Variants in NMNAT2 observed in about 807,000 individuals in gnomAD.
NMNAT2 encodes nicotinamide nucleotide adenylyltransferase 2.
In NMNAT2, 11 loss-of-function variants were observed where a neutral mutation model predicts 41.6. The ratio of observed to expected loss-of-function variants is 0.26; its 90% CI spans 0.17 to 0.44. NMNAT2 has a LOEUF of 0.44. Ranked by LOEUF, NMNAT2 falls within the 20% of genes least tolerant of loss-of-function variation. NMNAT2 has a pLI of 1.00. For missense variants in NMNAT2, 288 were observed against 407.7 expected (o/e 0.71, Z 2.53); for synonymous variants, 148 against 151.2 (o/e 0.98, Z 0.16).
chr1:183,336,326 T>G (rs1033481103), intron 1 of NMNAT2, among the ~76,000 whole-genome samples: 16 of 152,200 alleles, frequency 1.1e-4, no homozygotes, highest in African/African-American at 3.9e-4. Flanking sequence ...GACAAAGTAC[T>G]CAGTGTCATT....
chr1:183,397,232 A>G (rs560023621), intron 1 of NMNAT2, among the ~76,000 whole-genome samples: 1 of 152,318 alleles, frequency 6.6e-6, no homozygotes, highest in East Asian at 1.9e-4. Flanking sequence ...GACACCAGCC[A>G]GGGTCGAGGT....
chr1:183,286,311 C>A (rs188652023), intron 5 of NMNAT2, among the ~76,000 whole-genome samples: 250 of 152,242 alleles, frequency 1.6e-3, no homozygotes, highest in Non-Finnish European at 3.1e-3. Flanking sequence ...AGGCTACTCT[C>A]AAACTCCTGG....
At chr1:183,332,625 G>C (rs1197569366) in intron 1 of NMNAT2, among the ~76,000 whole-genome samples, 1 of 152,116 alleles carries the variant, frequency 6.6e-6, no homozygotes, top group Non-Finnish European at 1.5e-5. Flanking sequence ...CCTGCACATG[G>C]GGGCAGTGGA....
chr1:183,257,017 G>A (rs1201869752), intron 10 of NMNAT2, among the ~76,000 whole-genome samples: 1 of 152,064 alleles, frequency 6.6e-6, no homozygotes, highest in Non-Finnish European at 1.5e-5. Flanking sequence ...CTCCCAAAGT[G>A]CTAGGATTAC....
chr1:183,343,347 A>G (rs549883106), intron 1 of NMNAT2, among the ~76,000 whole-genome samples: 1 of 152,110 alleles, frequency 6.6e-6, no homozygotes, highest in African/African-American at 2.4e-5. Flanking sequence ...AACAACCACA[A>G]TGTTCTCCTC....
At chr1:183,256,046 T>G (rs1359839534) in intron 10 of NMNAT2, among the ~76,000 whole-genome samples, 1 of 152,156 alleles carries the variant, frequency 6.6e-6, no homozygotes, top group Admixed American at 6.6e-5. Flanking sequence ...TATCAGGTCT[T>G]AGAGGAAAAG....
chr1:183,383,865 C>T (rs1161428360), intron 1 of NMNAT2, among the ~76,000 whole-genome samples: 1 of 152,232 alleles, frequency 6.6e-6, no homozygotes, highest in Non-Finnish European at 1.5e-5. Flanking sequence ...TCTCCCTCAT[C>T]TTCCTGCCTT....
At chr1:183,341,724 C>CAAAAAAAAAAAAAAAA (rs1557883660) in intron 1 of NMNAT2, among the ~76,000 whole-genome samples, 1 of 15,822 alleles carries the variant, frequency 6.3e-5, no homozygotes, top group African/African-American at 2.0e-4. Flanking sequence ...CAAACAAACA[C>CAAAAAAAAAAAAAAAA]CAAAAAAAAA....
chr1:183,253,725 C>T (rs1660450052), intron 10 of NMNAT2, among the ~76,000 whole-genome samples: 1 of 152,086 alleles, frequency 6.6e-6, no homozygotes, highest in South Asian at 2.1e-4. Context: ...CACACTTGAC[C>T]CTGGTAATCA....
chr1:183,299,056 T>C (rs113084683), intron 1 of NMNAT2, among the ~76,000 whole-genome samples: 418 of 152,318 alleles, frequency 2.7e-3, no homozygotes, highest in Admixed American at 4.8e-3. Flanking sequence ...ACCCATACCA[T>C]GGAGTACTAC....
intron 1 of NMNAT2, among the ~76,000 whole-genome samples, chr1:183,342,312 A>C (rs1662837604): frequency 6.6e-6 from 1 of 152,108 alleles, no homozygotes; most frequent in South Asian, 2.1e-4. Context: ...GCAACATAGC[A>C]AAACCCTTGT....
chr1:183,320,419 C>T (rs549337), intron 1 of NMNAT2, among the ~76,000 whole-genome samples: 40,188 of 151,924 alleles, frequency 0.26, 6,013 homozygotes, highest in African/African-American at 0.41. Flanking sequence ...GCCTGGCCAA[C>T]GTGGTGAAAC....
intron 1 of NMNAT2, among the ~76,000 whole-genome samples, chr1:183,361,644 G>C (rs1191179485): frequency 6.6e-6 from 1 of 152,152 alleles, no homozygotes; most frequent in Non-Finnish European, 1.5e-5. Context: ...AATGATGGCT[G>C]TGTCTCCTAT....
chr1:183,315,773 C>G (rs1189883772), intron 1 of NMNAT2, among the ~76,000 whole-genome samples: 2 of 117,698 alleles, frequency 1.7e-5, no homozygotes, highest in Non-Finnish European at 3.5e-5. Flanking sequence ...AAAGCAGACT[C>G]CGTGTAAAAA....
chr1:183,355,279 T>TC (rs1446440285), intron 1 of NMNAT2, among the ~76,000 whole-genome samples: 1 of 152,094 alleles, frequency 6.6e-6, no homozygotes, highest in Non-Finnish European at 1.5e-5. Flanking sequence ...CCTCTTATTT[T>TC]CCCCCCAGGG....
intron 1 of NMNAT2, among the ~76,000 whole-genome samples, chr1:183,295,538 T>C (rs1661667340): frequency 6.6e-6 from 1 of 152,170 alleles, no homozygotes; most frequent in African/African-American, 2.4e-5. Flanking sequence ...CATTATTAAC[T>C]ATAGTCAATA....
At chr1:183,285,761 CTG>C (rs1661383794) in intron 5 of NMNAT2, among the ~76,000 whole-genome samples, 3 of 152,256 alleles carry the variant, frequency 2.0e-5, no homozygotes, top group South Asian at 4.2e-4. Flanking sequence ...TTCTCTGAAT[CTG>C]TATTCTATTT....
rs1168347035 is a variant in NMNAT2 at position 183,415,193 on chromosome 1, T to C, written c.85+2990A>G. On this transcript the variant is annotated intron_variant, in intron 1 of 10. Coordinates refer to ENST00000287713, the MANE Select transcript of NMNAT2 (RefSeq NM_015039.4). ...GATGGGGTTTCACCATGTTGCCAAG[T>C]CTGGTCTCAAACTCCTGAGCTCATG... Among the ~76,000 whole-genome samples the C allele has an allele frequency of 2.6e-5, 4 of 152,082 alleles. No individual in the cohort carries two copies. The East Asian group carries it at 7.7e-4, about 29-fold the overall frequency.
chr1:183,389,804 GAAAGAAA>G (rs1648399104), intron 1 of NMNAT2, among the ~76,000 whole-genome samples: 2 of 62,548 alleles, frequency 3.2e-5, no homozygotes, highest in Non-Finnish European at 6.5e-5. Flanking sequence ...AAGAAAGAAA[GAAAGAAA>G]GAAAGAAAGA....
Sources: gnomAD v4.1 joint callset for allele counts (sites outside exome capture counted in the v4.1 genomes callset) on GRCh38, gnomAD v4.1.1 for gene constraint, MANE v1.5 for transcripts, NCBI Gene and HGNC (gene_info 2026-07-23, HGNC 2026-07-21) for gene names.